Variants in CSMD1 observed in about 807,000 individuals in gnomAD.
CSMD1 encodes CUB and sushi domain-containing protein 1.
Under a neutral mutation model 417.5 loss-of-function variants are expected in CSMD1, and 213 were observed. The observed-to-expected ratio is 0.51, with a 90% confidence interval of 0.46 to 0.57. CSMD1 has a LOEUF of 0.57. Ranked by LOEUF, CSMD1 falls within the 20% of genes least tolerant of loss-of-function variation. The probability of loss-of-function intolerance (pLI) is 0.00; values close to 1 mark genes in which losing one functional copy is unlikely to be tolerated. For synonymous variants in CSMD1, 2,862 were observed against 1,736.8 expected (o/e 1.65, Z -16.11); for missense variants, 6,923 against 4,529.7 (o/e 1.53, Z -15.17).
At chr8:4,469,847 G>A (rs768711564) in intron 2 of CSMD1, among the ~76,000 whole-genome samples, 4 of 151,450 alleles carry the variant, frequency 2.6e-5, no homozygotes, top group Non-Finnish European at 5.9e-5. Flanking sequence ...GCACACCTAC[G>A]TGATCTGGCC....
chr8:4,328,568 T>C (rs940830884), intron 3 of CSMD1, among the ~76,000 whole-genome samples: 3 of 152,012 alleles, frequency 2.0e-5, no homozygotes, highest in Admixed American at 6.6e-5. Flanking sequence ...CCCACAACAA[T>C]TTAAAAAAAT....
intron 1 of CSMD1, among the ~76,000 whole-genome samples, chr8:4,765,338 C>G (rs545270823): frequency 2.0e-4 from 30 of 152,302 alleles, no homozygotes; most frequent in Admixed American, 3.3e-4. Context: ...ATCATTTTCA[C>G]TTCATTGTTC....
intron 3 of CSMD1, among the ~76,000 whole-genome samples, chr8:4,375,478 T>G (rs1238390602): frequency 6.6e-6 from 1 of 152,148 alleles, no homozygotes. Context: ...TTACAGTCCA[T>G]CTTATGGAGT....
chr8:3,248,241 G>A (rs575244924), intron 26 of CSMD1, among the ~76,000 whole-genome samples: 1 of 152,306 alleles, frequency 6.6e-6, no homozygotes, highest in South Asian at 2.1e-4. Flanking sequence ...TAGGAAGAAT[G>A]AAATTTTAAC....
At chr8:3,570,914 A>G (rs1025167322) in intron 10 of CSMD1, among the ~76,000 whole-genome samples, 1 of 152,222 alleles carries the variant, frequency 6.6e-6, no homozygotes, top group African/African-American at 2.4e-5. Context: ...TAGAATTTCA[A>G]TTATTCTAGT....
chr8:4,471,794 G>C (rs183860111), intron 2 of CSMD1, among the ~76,000 whole-genome samples: 36 of 152,214 alleles, frequency 2.4e-4, no homozygotes, highest in East Asian at 7.7e-4. Context: ...GCAATATATA[G>C]ATGTTAACAG....
intron 2 of CSMD1, among the ~76,000 whole-genome samples, chr8:4,569,292 C>G (rs1313122793): frequency 6.6e-6 from 1 of 152,186 alleles, no homozygotes; most frequent in Non-Finnish European, 1.5e-5. Context: ...ACATTTAAGT[C>G]TTTAATCCAT....
At chr8:3,504,769 A>T (rs1007332160) in intron 10 of CSMD1, among the ~76,000 whole-genome samples, 1 of 152,152 alleles carries the variant, frequency 6.6e-6, no homozygotes, top group Admixed American at 6.5e-5. Flanking sequence ...GGTTTTCACA[A>T]ACTACTTAGA....
At chr8:4,769,838 T>A (rs1387667202) in intron 1 of CSMD1, among the ~76,000 whole-genome samples, 1 of 152,188 alleles carries the variant, frequency 6.6e-6, no homozygotes, top group South Asian at 2.1e-4. Context: ...GTTGTTGTTA[T>A]TATGTTCTCT....
At chr8:4,719,620 T>G (rs1225067750) in intron 1 of CSMD1, among the ~76,000 whole-genome samples, 1 of 149,830 alleles carries the variant, frequency 6.7e-6, no homozygotes, top group Non-Finnish European at 1.5e-5. Context: ...CAATAAAAAC[T>G]TGAATCCTTT....
At chr8:4,946,497 A>C (rs894021268) in intron 1 of CSMD1, among the ~76,000 whole-genome samples, 1 of 152,100 alleles carries the variant, frequency 6.6e-6, no homozygotes, top group African/African-American at 2.4e-5. Flanking sequence ...CCCAGGTACA[A>C]TATGACAGCC....
chr8:4,034,611 G>C (rs993459454), intron 3 of CSMD1, among the ~76,000 whole-genome samples: 1 of 152,092 alleles, frequency 6.6e-6, no homozygotes, highest in Non-Finnish European at 1.5e-5. Flanking sequence ...CAGCTGAGCC[G>C]AGAGCTCTTA....
At chr8:4,353,186 G>GT (rs1801198604) in intron 3 of CSMD1, among the ~76,000 whole-genome samples, 2 of 152,180 alleles carry the variant, frequency 1.3e-5, no homozygotes, top group Admixed American at 1.3e-4. Context: ...ATCCCCACGT[G>GT]TCAAGTGTGG....
chr8:3,668,390 A>G (rs1188186389), intron 7 of CSMD1, among the ~76,000 whole-genome samples: 1 of 152,108 alleles, frequency 6.6e-6, no homozygotes, highest in Non-Finnish European at 1.5e-5. Flanking sequence ...TCTGTTTTAA[A>G]TATGTATTTT....
At chr8:4,503,068 G>A (rs1402147262) in intron 2 of CSMD1, among the ~76,000 whole-genome samples, 1 of 152,140 alleles carries the variant, frequency 6.6e-6, no homozygotes, top group African/African-American at 2.4e-5. Context: ...CTATAGTTCT[G>A]TAAAGGTGCA....
At chr8:3,341,486 G>T (rs1462635056) in intron 23 of CSMD1, among the ~76,000 whole-genome samples, 1 of 152,158 alleles carries the variant, frequency 6.6e-6, no homozygotes, top group Non-Finnish European at 1.5e-5. Flanking sequence ...AGTTACTAGG[G>T]TTGGAAACGT....
Position 4,189,248 on chromosome 8 carries a change from C to A in CSMD1, c.416-157149G>T, listed in dbSNP as rs558388173. Among the ~76,000 whole-genome samples, 4 of 152,294 alleles carry A rather than the reference C, an allele frequency of 2.6e-5. No individual in the cohort carries two copies. In the South Asian group the frequency reaches 8.3e-4, roughly 32 times the overall value. ...GGACCCATAACAGATCTAAGCCCACCTTTGCCCATCTGTAGAGAAACACTT... is the reference window on the plus strand; with the variant it reads ...GGACCCATAACAGATCTAAGCCCACATTTGCCCATCTGTAGAGAAACACTT... On this transcript the variant is annotated intron_variant, in intron 3 of 69. Coordinates refer to ENST00000635120, the MANE Select transcript of CSMD1 (RefSeq NM_033225.6).
At chr8:4,916,376 G>A (rs1266948245) in intron 1 of CSMD1, among the ~76,000 whole-genome samples, 1 of 152,178 alleles carries the variant, frequency 6.6e-6, no homozygotes, top group Non-Finnish European at 1.5e-5. Flanking sequence ...AAGTATTCTG[G>A]TTATAGATTC....
intron 57 of CSMD1, among the ~76,000 whole-genome samples, chr8:2,972,534 G>C (rs962280605): frequency 2.6e-5 from 4 of 152,128 alleles, no homozygotes; most frequent in Non-Finnish European, 4.4e-5. Flanking sequence ...CTGATACACA[G>C]TGCAGTGTCT....
Sources: gnomAD v4.1 joint callset for allele counts (sites outside exome capture counted in the v4.1 genomes callset) on GRCh38, gnomAD v4.1.1 for gene constraint, MANE v1.5 for transcripts, NCBI Gene and HGNC (gene_info 2026-07-23, HGNC 2026-07-21) for gene names.